The following PRKG1 variants were observed in gnomAD, a reference collection of about 807,000 sequenced individuals.
The protein encoded by PRKG1 is cGMP-dependent protein kinase 1.
PRKG1 carries 35 observed loss-of-function variants against 88.1 expected under a neutral mutation model. The ratio of observed to expected loss-of-function variants is 0.40; its 90% CI spans 0.30 to 0.53. PRKG1 has a LOEUF of 0.53. Ranked by LOEUF, PRKG1 falls within the 20% of genes least tolerant of loss-of-function variation. The pLI is 0.59. For missense variants in PRKG1, 540 were observed against 839.8 expected (o/e 0.64, Z 4.41); for synonymous variants, 303 against 292.5 (o/e 1.04, Z -0.37).
chr10:52,144,027 A>T (rs1837656727), intron 8 of PRKG1, among the ~76,000 whole-genome samples: 1 of 152,144 alleles, frequency 6.6e-6, no homozygotes, highest in African/African-American at 2.4e-5. Flanking sequence ...AGGATGGAGG[A>T]ATATGTTTGG....
chr10:51,746,722 CA>C (rs549325888), intron 3 of PRKG1, among the ~76,000 whole-genome samples: 1 of 115,120 alleles, frequency 8.7e-6, no homozygotes, highest in Non-Finnish European at 1.8e-5. Context: ...GACCCTGTCT[CA>C]AAAAAAATAA....
At chr10:51,844,562 C>T (rs1840354195) in intron 4 of PRKG1, among the ~76,000 whole-genome samples, 3 of 152,136 alleles carry the variant, frequency 2.0e-5, no homozygotes, top group African/African-American at 7.2e-5. Context: ...GCCTCTAGGA[C>T]AAAATGGGTG....
At chr10:51,650,894 C>G (rs117633698) in intron 3 of PRKG1, among the ~76,000 whole-genome samples, 108 of 152,240 alleles carry the variant, frequency 7.1e-4, no homozygotes, top group Non-Finnish European at 1.3e-3. Context: ...ATCACTGGTA[C>G]CTGTGATCTC....
At chr10:52,130,240 T>A (rs572997829) in intron 7 of PRKG1, among the ~76,000 whole-genome samples, 1 of 152,326 alleles carries the variant, frequency 6.6e-6, no homozygotes, top group African/African-American at 2.4e-5. Context: ...GCCATACTTG[T>A]TTTCCTTTTT....
At chr10:51,402,283 T>C (rs1837762396) in intron 2 of PRKG1, among the ~76,000 whole-genome samples, 2 of 152,208 alleles carry the variant, frequency 1.3e-5, no homozygotes, top group Non-Finnish European at 2.9e-5. Context: ...TTCTTGATAT[T>C]GGAAGGGAGG....
chr10:51,800,798 G>T (rs1247351007), intron 3 of PRKG1, among the ~76,000 whole-genome samples: 1 of 151,992 alleles, frequency 6.6e-6, no homozygotes, highest in African/African-American at 2.4e-5. Flanking sequence ...TGCAGAGAGG[G>T]AGATCCTCTT....
chr10:51,561,262 T>A (rs1257392287), intron 3 of PRKG1, among the ~76,000 whole-genome samples: 1 of 151,902 alleles, frequency 6.6e-6, no homozygotes, highest in East Asian at 1.9e-4. Context: ...CCTGGGAAGT[T>A]GTGGCTGCAG....
chr10:51,060,148 G>C (rs924354664), intron 1 of PRKG1, among the ~76,000 whole-genome samples: 7 of 151,734 alleles, frequency 4.6e-5, no homozygotes, highest in Admixed American at 3.9e-4. Flanking sequence ...GTTTGTGTTT[G>C]GATTATATTT....
At chr10:51,828,926 C>T (rs932388017) in intron 4 of PRKG1, among the ~76,000 whole-genome samples, 4 of 152,174 alleles carry the variant, frequency 2.6e-5, no homozygotes, top group African/African-American at 9.7e-5. Context: ...TACACCAAAA[C>T]GTACTGGTTT....
At chr10:52,109,711 C>T (rs186301423) in intron 7 of PRKG1, among the ~76,000 whole-genome samples, 33 of 151,680 alleles carry the variant, frequency 2.2e-4, no homozygotes, top group South Asian at 2.1e-3. Context: ...GGCAGTGAGA[C>T]GACATCACGC....
intron 7 of PRKG1, among the ~76,000 whole-genome samples, chr10:52,133,410 G>A (rs980034197): frequency 1.3e-5 from 2 of 152,052 alleles, no homozygotes; most frequent in African/African-American, 4.8e-5. Context: ...AATTTAAACA[G>A]ATCAATTGTT....
intron 4 of PRKG1, among the ~76,000 whole-genome samples, chr10:51,895,608 A>G (rs1841825452): frequency 1.3e-5 from 2 of 152,108 alleles, no homozygotes; most frequent in East Asian, 3.9e-4. Flanking sequence ...ATCCATCTGT[A>G]GGGCAGTTTA....
chr10:51,608,827 C>T (rs1335138604), intron 3 of PRKG1, among the ~76,000 whole-genome samples: 1 of 151,998 alleles, frequency 6.6e-6, no homozygotes, highest in African/African-American at 2.4e-5. Flanking sequence ...TCTTGATGAC[C>T]CTGACACTAT....
At chr10:51,562,443 A>G (rs751931373) in intron 3 of PRKG1, among the ~76,000 whole-genome samples, 12 of 152,066 alleles carry the variant, frequency 7.9e-5, no homozygotes, top group Admixed American at 3.3e-4. Context: ...CTAAGTGGAG[A>G]TAGTAGGAAA....
chr10:51,123,382 G>T (rs370230124), intron 1 of PRKG1, among the ~76,000 whole-genome samples: 1 of 151,996 alleles, frequency 6.6e-6, no homozygotes, highest in African/African-American at 2.4e-5. Context: ...CCTTTCTTGC[G>T]TTGCTATAAA....
intron 3 of PRKG1, among the ~76,000 whole-genome samples, chr10:51,506,664 G>C (rs1045863483): frequency 6.6e-6 from 1 of 152,154 alleles, no homozygotes; most frequent in African/African-American, 2.4e-5. Flanking sequence ...AGGTGCTGGA[G>C]AGGATGTGGA....
Position 51,694,402 on chromosome 10 carries a change from G to A in PRKG1, c.593-110183G>A, listed in dbSNP as rs143686828. 3.9e-3 allele frequency among the ~76,000 whole-genome samples: 595 copies of A among 152,340 alleles called. 1 individual carries two copies. Among genetic ancestry groups the A allele is most frequent in the Middle Eastern group, 0.017 (5 of 294 alleles). On this transcript the variant is annotated intron_variant, in intron 3 of 17. Coordinates refer to ENST00000373980, the MANE Select transcript of PRKG1 (RefSeq NM_006258.4). ...TTTTCTACCATTAAAATTCTGAAAA[G>A]TGTAGTTGAAAAGCCAAACATAATC...
intron 8 of PRKG1, among the ~76,000 whole-genome samples, chr10:52,146,486 G>A (rs566381223): frequency 6.6e-6 from 1 of 152,060 alleles, no homozygotes; most frequent in Non-Finnish European, 1.5e-5. Flanking sequence ...AACTTGCAAG[G>A]AATTCTTTTT....
intron 2 of PRKG1, among the ~76,000 whole-genome samples, chr10:51,155,529 A>C (rs1007101461): frequency 6.6e-6 from 1 of 152,018 alleles, no homozygotes; most frequent in African/African-American, 2.4e-5. Flanking sequence ...GTTTATACCC[A>C]GGCTATTTGG....
Sources: gnomAD v4.1 joint callset for allele counts (sites outside exome capture counted in the v4.1 genomes callset) on GRCh38, gnomAD v4.1.1 for gene constraint, MANE v1.5 for transcripts, NCBI Gene and HGNC (gene_info 2026-07-23, HGNC 2026-07-21) for gene names.